NUMB: variants seen among roughly 807,000 people sequenced by gnomAD.
The protein encoded by NUMB is NUMB endocytic adaptor protein.
Under a neutral mutation model 59.7 loss-of-function variants are expected in NUMB, and 29 were observed. The ratio of observed to expected loss-of-function variants is 0.49; its 90% confidence interval spans 0.36 to 0.66. The LOEUF is 0.66. Ranked by LOEUF, NUMB falls within the 30% of genes least tolerant of loss-of-function variation. The probability of loss-of-function intolerance (pLI) is 0.00; values close to 1 mark genes in which losing one functional copy is unlikely to be tolerated. For missense variants in NUMB, 723 were observed against 822.0 expected, an observed-to-expected ratio of 0.88 and a Z score of 1.47; for synonymous variants, 288 against 288.2, an observed-to-expected ratio of 1.00 and a Z score of 0.01.
chr14:73,355,655 G>A lies in NUMB; in HGVS notation c.97C>T (p.Arg33Cys), dbSNP rs1036745900. 2 of 1,613,548 alleles carry A rather than the reference G, an allele frequency of 1.2e-6. No homozygotes were observed. Among genetic ancestry groups the A allele is most frequent in the Non-Finnish European group, 1.7e-6 (2 of 1,179,770 alleles). ...ACCGGGAAGCTACATTTTCCGGTGC[G>A]AACGCCTTCTTCATCTGTCTGCCAC... ...HQWQTDEEGV[R>C]TGKCSFPVKY... Residue 33 changes from arginine to cysteine, a missense_variant, in exon 4 of 13, where the codon CGC becomes TGC. Arg to Cys is a radical substitution (Grantham distance 180). Transcript: ENST00000555238.
At chr14:73,426,439 G>A (rs1472575251) in intron 1 of NUMB, among the ~76,000 whole-genome samples, 1 of 152,116 alleles carries the variant, frequency 6.6e-6, no homozygotes, top group Non-Finnish European at 1.5e-5. Flanking sequence ...TGGCACAGGG[G>A]CTCACACTTG....
chr14:73,367,360 G>T (rs1490265926), intron 2 of NUMB, among the ~76,000 whole-genome samples: 3 of 147,794 alleles, frequency 2.0e-5, no homozygotes, highest in Non-Finnish European at 4.4e-5. Context: ...GAGAGAGAGA[G>T]AGAGAGAGAG....
intron 2 of NUMB, among the ~76,000 whole-genome samples, chr14:73,405,566 G>A (rs1253221033): frequency 6.7e-6 from 1 of 150,072 alleles, no homozygotes; most frequent in Non-Finnish European, 1.5e-5. Context: ...TCCCCACAAA[G>A]TGCTAGGATT....
At chr14:73,279,933 G>C (rs146726525) in intron 11 of NUMB, among the ~76,000 whole-genome samples, 89 of 152,360 alleles carry the variant, frequency 5.8e-4, no homozygotes, top group African/African-American at 2.0e-3. Context: ...GAGGTGGGTG[G>C]ATCACCTGAG....
chr14:73,377,994 T>TACACACAC (rs61489875), intron 2 of NUMB, among the ~76,000 whole-genome samples: 21 of 146,610 alleles, frequency 1.4e-4, no homozygotes, highest in Non-Finnish European at 2.1e-4. Flanking sequence ...TATATACACA[T>TACACACAC]ACACACACAC....
intron 4 of NUMB, among the ~76,000 whole-genome samples, chr14:73,343,486 GA>G (rs1186092998): frequency 2.0e-5 from 3 of 152,174 alleles, no homozygotes; most frequent in Non-Finnish European, 4.4e-5. Flanking sequence ...TTCCCCGCTG[GA>G]AGAACCTACC....
At position 73,278,520 on chromosome 14, in the gene NUMB, CAA is replaced by C. The variant is rs58404965; in HGVS notation, c.1240+759_1240+760del. 4.5e-5 allele frequency among the ~76,000 whole-genome samples: 6 copies of C among 133,278 alleles called. No homozygotes were observed. The East Asian group carries it at 8.1e-4, about 18-fold the overall frequency. The allele number at this position is 133,278 out of a possible 152,430, so 87.4% of individuals were successfully genotyped here. ...GGGTGACAGAACAATACTCCACCTCCAAAAAAAAAAAACTTTTTGGTTTTATA... is the reference window on the plus strand; with the variant it reads ...GGGTGACAGAACAATACTCCACCTCCAAAAAAAAAACTTTTTGGTTTTATA... On this transcript the variant is annotated intron_variant, in intron 12 of 12. Transcript: ENST00000555238.
intron 1 of NUMB, among the ~76,000 whole-genome samples, chr14:73,414,690 A>G (rs1439536274): frequency 6.6e-6 from 1 of 151,922 alleles, no homozygotes; most frequent in East Asian, 1.9e-4. Flanking sequence ...CCTGGCCCCC[A>G]GATAATGACC....
chr14:73,457,739 G>A (rs1323419002), intron 1 of NUMB: 2 of 152,430 alleles, frequency 1.3e-5, no homozygotes, highest in Non-Finnish European at 2.9e-5. Flanking sequence ...CTCAGCTATG[G>A]GGGCGCAGGG....
rs143874644 is a variant in NUMB, at chr14:73,357,964, G to A, written c.-15-2198C>T. 2.0e-4 allele frequency among the ~76,000 whole-genome samples: 29 copies of A among 147,202 alleles called. No homozygotes were observed. In the South Asian group the frequency reaches 4.3e-3, roughly 22 times the overall value. ...TGATTCCTTTCTTCTTCATTTCTTC[G>A]TCTTAGCAAAGACAACTACTCACCT... On this transcript the variant is annotated intron_variant, in intron 3 of 12. Transcript: ENST00000555238.
chr14:73,306,326 C>T (rs931667449), intron 6 of NUMB, among the ~76,000 whole-genome samples: 2 of 152,134 alleles, frequency 1.3e-5, no homozygotes, highest in African/African-American at 2.4e-5. Context: ...GAGGGGAGAC[C>T]TAGGGATTAT....
chr14:73,434,234 C>T (rs185024382), intron 1 of NUMB, among the ~76,000 whole-genome samples: 1 of 152,160 alleles, frequency 6.6e-6, no homozygotes, highest in African/African-American at 2.4e-5. Flanking sequence ...GCCAAACTAT[C>T]TAGGTTTGAA....
chr14:73,453,045 G>C (rs1018739538), intron 1 of NUMB, among the ~76,000 whole-genome samples: 6 of 152,138 alleles, frequency 3.9e-5, no homozygotes, highest in Non-Finnish European at 8.8e-5. Flanking sequence ...CCTTAAGCAC[G>C]TCAGTATTCT....
chr14:73,377,224 T>G (rs949806800), intron 2 of NUMB, among the ~76,000 whole-genome samples: 3 of 152,152 alleles, frequency 2.0e-5, no homozygotes, highest in Admixed American at 2.0e-4. Context: ...AAAGAAATAA[T>G]TAATAAGCTG....
chr14:73,348,781 T>C (rs966952129), intron 4 of NUMB, among the ~76,000 whole-genome samples: 1 of 152,232 alleles, frequency 6.6e-6, no homozygotes, highest in Non-Finnish European at 1.5e-5. Flanking sequence ...AAGTGAGAAT[T>C]ACACTGAAAG....
intron 4 of NUMB, 115 bp downstream of exon 4, chr14:73,355,511 T>G: frequency 1.2e-6 from 1 of 813,680 alleles, no homozygotes; most frequent in Non-Finnish European, 1.8e-6. Context: ...AAGCAGAATG[T>G]GAAGGGATTT....
At chr14:73,371,388 A>G (rs1894663829) in intron 2 of NUMB, among the ~76,000 whole-genome samples, 1 of 152,064 alleles carries the variant, frequency 6.6e-6, no homozygotes, top group Non-Finnish European at 1.5e-5. Flanking sequence ...ACAAAAAATT[A>G]GCCAGGCGTG....
Position 73,284,296 on chromosome 14 carries a change from G to C in NUMB, c.734C>G (p.Pro245Arg). 1 of 1,614,182 alleles carries C rather than the reference G, an allele frequency of 6.2e-7. No individual in the cohort carries two copies. Among genetic ancestry groups the C allele is most frequent in the East Asian group, 2.2e-5 (1 of 44,882 alleles). Residue 245 changes from proline (P) to arginine (R), a missense_variant, in exon 10 of 13, where the codon CCT (proline) becomes CGT (arginine). By Grantham distance (103) the Pro-to-Arg change is moderately radical (BLOSUM62 -2). Transcript: ENST00000555238. ...CAGAGAGGTCGTGGCATCAGAAGTAGGAGAGGTGGGAGAGGATGGGGATGG... is the reference window on the plus strand; with the variant it reads ...CAGAGAGGTCGTGGCATCAGAAGTACGAGAGGTGGGAGAGGATGGGGATGG... The part of the protein sequence containing the change: ...TAPSPSSPTS[P>R]TSDATTSLEM...
At chr14:73,305,665 TAAG>T (rs1011025959) in intron 6 of NUMB, among the ~76,000 whole-genome samples, 2 of 152,212 alleles carry the variant, frequency 1.3e-5, no homozygotes, top group African/African-American at 2.4e-5. Context: ...TTTGAAATAT[TAAG>T]AAGCAACAGC....
Sources: gnomAD v4.1 joint callset for allele counts (sites outside exome capture counted in the v4.1 genomes callset) on GRCh38, gnomAD v4.1.1 for gene constraint, MANE v1.5 for transcripts, NCBI Gene and HGNC (gene_info 2026-07-23, HGNC 2026-07-21) for gene names.